The following ZFAND3 variants were observed in gnomAD, a reference collection of about 807,000 sequenced individuals.
ZFAND3 encodes zinc finger AN1-type containing 3.
ZFAND3 carries 10 observed loss-of-function variants against 29.6 expected under a neutral mutation model. The observed-to-expected ratio is 0.34, with a 90% CI of 0.21 to 0.57. ZFAND3 has a LOEUF of 0.57. ZFAND3 is among the 20% of genes least tolerant of loss of function. The pLI is 0.86. For missense variants in ZFAND3, 230 were observed against 304.5 expected (o/e 0.76, Z 1.82); for synonymous variants, 128 against 112.6 (o/e 1.14, Z -0.87).
At position 38,153,676 on chromosome 6, in the gene ZFAND3, G is replaced by C; in HGVS notation, c.*1287G>C. 1 of 985,396 alleles carries C rather than the reference G, an allele frequency of 1.0e-6. No individual in the cohort carries two copies. The highest frequency in any genetic ancestry group is 1.1e-4 in the East Asian group (1 of 8,784). 61.0% of individuals were successfully genotyped at this position (985,396 alleles called of 1,614,324 possible). A position where few individuals can be genotyped will look rare whatever the true frequency, so the allele number is the denominator to read the frequency against. ...AACTGCGCACGCCAGGTGGGGAAGG[G>C]TGGGGGTGGGCCTGGTTGCCCCATG... is the stretch of plus-strand genomic sequence containing the variant. On this transcript the variant is annotated 3_prime_UTR_variant, in exon 6 of 6. Coordinates refer to ENST00000287218, the MANE Select transcript of ZFAND3 (RefSeq NM_021943.3).
chr6:37,978,000 C>G (rs940165420), intron 2 of ZFAND3, among the ~76,000 whole-genome samples: 4 of 151,420 alleles, frequency 2.6e-5, no homozygotes, highest in South Asian at 2.1e-4. Flanking sequence ...GGCTTGATCT[C>G]AAGCTCACTG....
intron 4 of ZFAND3, among the ~76,000 whole-genome samples, chr6:38,095,523 TA>T (rs1340847394): frequency 1.3e-5 from 2 of 152,154 alleles, no homozygotes; most frequent in Non-Finnish European, 2.9e-5. Flanking sequence ...TCCTAGCGCC[TA>T]CCGGTCTTTC....
At chr6:37,976,720 A>G (rs1762485172) in intron 2 of ZFAND3, among the ~76,000 whole-genome samples, 1 of 152,086 alleles carries the variant, frequency 6.6e-6, no homozygotes. Flanking sequence ...GCAAAGGAGA[A>G]GTGAGGCATG....
chr6:38,019,503 G>A (rs907525095), intron 2 of ZFAND3, among the ~76,000 whole-genome samples: 2 of 151,734 alleles, frequency 1.3e-5, no homozygotes, highest in African/African-American at 4.8e-5. Context: ...ATTTGATCAT[G>A]TATGGCATAT....
chr6:37,959,891 A>G (rs1057194567), intron 2 of ZFAND3, among the ~76,000 whole-genome samples: 2 of 152,220 alleles, frequency 1.3e-5, no homozygotes, highest in African/African-American at 4.8e-5. Flanking sequence ...CGAAATCTGT[A>G]TGGAAATAAG....
rs4524602 is a variant in ZFAND3, at chr6:38,082,591, A to G, written c.361+134A>G. 15,153 of 757,234 alleles carry G rather than the reference A, an allele frequency of 0.02. 1,405 individuals carry two copies. The East Asian group carries it at 0.24, about 12-fold the overall frequency. The allele number at this position is 757,234 out of a possible 1,614,324, so 46.9% of individuals were successfully genotyped here. A position where few individuals can be genotyped will look rare whatever the true frequency, so the allele number is the denominator to read the frequency against. On this transcript the variant is annotated intron_variant, in intron 4 of 5. Coordinates refer to ENST00000287218, the MANE Select transcript of ZFAND3 (RefSeq NM_021943.3). ...AGTTGTGAGGTGATATGTGCTTAGT[A>G]TTCACGGCGGAGTGTCAGCAGAGGT...
intron 2 of ZFAND3, among the ~76,000 whole-genome samples, chr6:37,986,984 T>A (rs1024027487): frequency 6.6e-6 from 1 of 152,212 alleles, no homozygotes; most frequent in East Asian, 1.9e-4. Context: ...CCACAACTTA[T>A]CAGTGTCAAA....
chr6:38,085,309 GAC>G (rs1354540706), intron 4 of ZFAND3, among the ~76,000 whole-genome samples: 4 of 152,152 alleles, frequency 2.6e-5, no homozygotes, highest in Non-Finnish European at 5.9e-5. Flanking sequence ...TTTCTTAGGA[GAC>G]ACAGAGTGAG....
intron 5 of ZFAND3, among the ~76,000 whole-genome samples, chr6:38,138,070 G>A (rs1352225703): frequency 6.6e-6 from 1 of 152,144 alleles, no homozygotes; most frequent in East Asian, 1.9e-4. Flanking sequence ...CTTAGCACTG[G>A]GGACGCGGAG....
intron 3 of ZFAND3, among the ~76,000 whole-genome samples, chr6:38,078,767 TG>T: frequency 6.6e-6 from 1 of 152,310 alleles, no homozygotes; most frequent in African/African-American, 2.4e-5. Context: ...CCCACAATCA[TG>T]AAGAGGCTTT....
At chr6:38,112,523 AAGTAGACTGTT>A (rs886577927) in intron 4 of ZFAND3, among the ~76,000 whole-genome samples, 1 of 152,204 alleles carries the variant, frequency 6.6e-6, no homozygotes, top group Non-Finnish European at 1.5e-5. Flanking sequence ...CAGAGTATGT[AAGTAGACTGTT>A]AGGTGTTTTC....
At chr6:37,999,629 A>C (rs1045954786) in intron 2 of ZFAND3, among the ~76,000 whole-genome samples, 2 of 152,216 alleles carry the variant, frequency 1.3e-5, no homozygotes, top group Admixed American at 1.3e-4. Flanking sequence ...AGACAAACCC[A>C]AATTGATGAG....
chr6:37,995,772 A>ATT (rs58357757), intron 2 of ZFAND3, among the ~76,000 whole-genome samples: 67 of 152,066 alleles, frequency 4.4e-4, no homozygotes, highest in African/African-American at 1.2e-3. Flanking sequence ...AGTGCATGTG[A>ATT]TTTTTTTTAA....
At chr6:37,843,499 A>C (rs1764118083) in intron 1 of ZFAND3, among the ~76,000 whole-genome samples, 1 of 152,114 alleles carries the variant, frequency 6.6e-6, no homozygotes, top group South Asian at 2.1e-4. Context: ...AAAAAAAAAA[A>C]AATGTGTTCC....
At chr6:38,004,206 A>T (rs1233437488) in intron 2 of ZFAND3, among the ~76,000 whole-genome samples, 1 of 152,096 alleles carries the variant, frequency 6.6e-6, no homozygotes, top group Non-Finnish European at 1.5e-5. Flanking sequence ...CAGAACATGG[A>T]TATATTCAGG....
chr6:38,032,314 ATAATT>A (rs1376179074), intron 2 of ZFAND3, among the ~76,000 whole-genome samples: 1 of 152,234 alleles, frequency 6.6e-6, no homozygotes, highest in Non-Finnish European at 1.5e-5. Context: ...AGGACGTATT[ATAATT>A]TAACTATTTT....
At chr6:38,035,796 G>A (rs138032291) in intron 2 of ZFAND3, among the ~76,000 whole-genome samples, 94 of 152,308 alleles carry the variant, frequency 6.2e-4, no homozygotes, top group African/African-American at 2.1e-3. Flanking sequence ...TAGAATGCTG[G>A]TGTGTGGAGC....
chr6:37,857,292 T>C (rs1764402098), intron 1 of ZFAND3, among the ~76,000 whole-genome samples: 1 of 152,190 alleles, frequency 6.6e-6, no homozygotes, highest in South Asian at 2.1e-4. Flanking sequence ...TTGTTAAGAA[T>C]GAAACACTGT....
At chr6:38,004,411 T>C (rs1763006963) in intron 2 of ZFAND3, among the ~76,000 whole-genome samples, 1 of 151,822 alleles carries the variant, frequency 6.6e-6, no homozygotes, top group Admixed American at 6.6e-5. Flanking sequence ...TTTCTTTTCT[T>C]TTTTCTTTCT....
Sources: allele counts gnomAD v4.1 joint callset (sites outside exome capture counted in the v4.1 genomes callset), GRCh38; gene constraint gnomAD v4.1.1; transcripts MANE v1.5; gene names NCBI Gene and HGNC (gene_info 2026-07-23, HGNC 2026-07-21).